The following DOK6 variants were observed in gnomAD, a reference collection of about 807,000 sequenced individuals.
DOK6 encodes docking protein 6.
In DOK6, 22 loss-of-function variants were observed where a neutral mutation model predicts 44.0. That is an observed-to-expected ratio of 0.50 (90% CI 0.36 to 0.71). DOK6 has a LOEUF of 0.71. DOK6 is among the 30% of genes least tolerant of loss of function. The pLI is 0.00. For synonymous variants in DOK6, 166 were observed against 145.5 expected, an observed-to-expected ratio of 1.14 and a Z score of -1.01; for missense variants, 340 against 416.4, an observed-to-expected ratio of 0.82 and a Z score of 1.60.
At chr18:69,472,400 G>A (rs1285908533) in intron 1 of DOK6, among the ~76,000 whole-genome samples, 1 of 152,116 alleles carries the variant, frequency 6.6e-6, no homozygotes, top group Non-Finnish European at 1.5e-5. Context: ...AGAAAAGGTG[G>A]CACATCATAT....
chr18:69,422,259 A>G (rs1978514750), intron 1 of DOK6, among the ~76,000 whole-genome samples: 1 of 152,182 alleles, frequency 6.6e-6, no homozygotes, highest in Non-Finnish European at 1.5e-5. Context: ...CCTCTTTCCC[A>G]AAGAATTCCT....
chr18:69,548,320 T>C (rs1314126497), intron 1 of DOK6, among the ~76,000 whole-genome samples: 4 of 151,564 alleles, frequency 2.6e-5, no homozygotes, highest in South Asian at 2.1e-4. Context: ...CATCTTGCTA[T>C]TGTGAACAGG....
intron 1 of DOK6, among the ~76,000 whole-genome samples, chr18:69,433,995 T>A (rs960506265): frequency 1.3e-5 from 2 of 152,326 alleles, no homozygotes; most frequent in East Asian, 1.9e-4. Context: ...AATTTCCTGA[T>A]CACACATGAT....
chr18:69,457,903 G>A (rs1246597682), intron 1 of DOK6, among the ~76,000 whole-genome samples: 3 of 152,160 alleles, frequency 2.0e-5, no homozygotes, highest in African/African-American at 4.8e-5. Flanking sequence ...CAGCACTTTG[G>A]GAGGCCAGGG....
intron 1 of DOK6, among the ~76,000 whole-genome samples, chr18:69,468,866 A>C (rs1980004302): frequency 6.6e-6 from 1 of 152,220 alleles, no homozygotes; most frequent in South Asian, 2.1e-4. Context: ...TAGAGAGATA[A>C]AGCTCTGGAT....
At chr18:69,650,804 TTCCAAC>T (rs550782231) in intron 3 of DOK6, among the ~76,000 whole-genome samples, 25 of 152,346 alleles carry the variant, frequency 1.6e-4, no homozygotes, top group African/African-American at 5.0e-4. Context: ...AAAATTTGTC[TTCCAAC>T]TCCATCATTT....
At chr18:69,769,631 C>T (rs776477018) in intron 7 of DOK6, among the ~76,000 whole-genome samples, 7 of 152,152 alleles carry the variant, frequency 4.6e-5, no homozygotes, top group Non-Finnish European at 1.0e-4. Context: ...AATTATAGAG[C>T]ATAATCAGTT....
At chr18:69,507,301 A>G (rs1213071501) in intron 1 of DOK6, among the ~76,000 whole-genome samples, 2 of 152,158 alleles carry the variant, frequency 1.3e-5, no homozygotes, top group Non-Finnish European at 1.5e-5. Flanking sequence ...TGCTGGGATT[A>G]CAGGCGTGAG....
Position 69,671,351 on chromosome 18 carries a change from GA to G in DOK6, c.290-6379del, listed in dbSNP as rs34165236. ...TGTATCAACCTGCTGTTAAATCAAGGAAAACAAGTCATGATTATCTGCATCA... is the reference window on the plus strand; with the variant it reads ...TGTATCAACCTGCTGTTAAATCAAGGAAACAAGTCATGATTATCTGCATCA... On this transcript the variant is annotated intron_variant, in intron 3 of 7. Transcript: ENST00000382713. Among the ~76,000 whole-genome samples, 1,199 of 152,290 alleles carry G rather than the reference GA, an allele frequency of 7.9e-3. 6 individuals carry two copies. The highest frequency in any genetic ancestry group is 0.012 in the Non-Finnish European group (845 of 68,012).
At chr18:69,481,700 T>C (rs568896841) in intron 1 of DOK6, among the ~76,000 whole-genome samples, 1 of 152,280 alleles carries the variant, frequency 6.6e-6, no homozygotes, top group African/African-American at 2.4e-5. Context: ...CATGTGTCTT[T>C]ATAGCAGCGT....
Position 69,589,265 on chromosome 18 carries a change from TA to T in DOK6, c.175-10118del, listed in dbSNP as rs566314621. On this transcript the variant is annotated intron_variant, in intron 2 of 7. Coordinates refer to ENST00000382713, the MANE Select transcript of DOK6 (RefSeq NM_152721.6). Reference sequence around the variant, plus strand: ...CAGTAAAATTTTCATTTTCTTTTCTTAGTAGAAAATAAATATTTTCCATCCT... The same window carrying T: ...CAGTAAAATTTTCATTTTCTTTTCTTGTAGAAAATAAATATTTTCCATCCT... 3.8e-3 allele frequency among the ~76,000 whole-genome samples: 585 copies of T among 152,234 alleles called. 3 individuals carry two copies. Among genetic ancestry groups the T allele is most frequent in the African/African-American group, 0.013 (547 of 41,564 alleles).
chr18:69,576,981 A>T (rs1312345817), intron 2 of DOK6, among the ~76,000 whole-genome samples: 1 of 152,198 alleles, frequency 6.6e-6, no homozygotes, highest in Non-Finnish European at 1.5e-5. Context: ...GTGAAGTTCC[A>T]TGAAAACTGC....
At chr18:69,835,304 A>G (rs1280747391) in intron 7 of DOK6, among the ~76,000 whole-genome samples, 1 of 152,162 alleles carries the variant, frequency 6.6e-6, no homozygotes, top group Admixed American at 6.5e-5. Flanking sequence ...CTATTTAAAA[A>G]TACAAAAAAA....
intron 3 of DOK6, chr18:69,662,147 T>G (rs905159198): frequency 1.3e-5 from 2 of 152,160 alleles, no homozygotes; most frequent in Non-Finnish European, 2.9e-5. Flanking sequence ...GCCCAGATAA[T>G]TTTTGTATTT....
chr18:69,610,702 T>TA (rs1430102374), intron 3 of DOK6, among the ~76,000 whole-genome samples: 3 of 152,046 alleles, frequency 2.0e-5, no homozygotes, highest in African/African-American at 2.4e-5. Context: ...AATACACCAA[T>TA]AAAAAACAAT....
rs568984388 is a variant in DOK6, at chr18:69,790,992, T to C, written c.856+33119T>C. Reference sequence around the variant, plus strand: ...TCTATCTCCATGAGGTCAATTATTTTAATTTTTAGCTCCCACAACTAAGTA... The same window carrying C: ...TCTATCTCCATGAGGTCAATTATTTCAATTTTTAGCTCCCACAACTAAGTA... On this transcript the variant is annotated intron_variant, in intron 7 of 7. Coordinates refer to ENST00000382713, the MANE Select transcript of DOK6 (RefSeq NM_152721.6). Among the ~76,000 whole-genome samples, 31 of 151,620 alleles carry C rather than the reference T, an allele frequency of 2.0e-4. No homozygotes were observed. In the South Asian group the frequency reaches 6.5e-3, roughly 32 times the overall value.
chr18:69,459,107 C>G (rs557269030), intron 1 of DOK6, among the ~76,000 whole-genome samples: 11 of 139,920 alleles, frequency 7.9e-5, no homozygotes, highest in East Asian at 6.6e-4. Context: ...CAACCCCCCC[C>G]CCAAAAAAAA....
chr18:69,774,515 T>G (rs1001771160), intron 7 of DOK6, among the ~76,000 whole-genome samples: 2 of 151,912 alleles, frequency 1.3e-5, no homozygotes, highest in Non-Finnish European at 2.9e-5. Flanking sequence ...TAAAATTTTT[T>G]TAAAACATGT....
chr18:69,401,561 C>A (rs117832633), intron 1 of DOK6, among the ~76,000 whole-genome samples: 1 of 152,076 alleles, frequency 6.6e-6, no homozygotes, highest in Non-Finnish European at 1.5e-5. Flanking sequence ...TTCGACCGTG[C>A]GGGGAAGTCA....
Sources: gnomAD v4.1 joint callset for allele counts (sites outside exome capture counted in the v4.1 genomes callset) on GRCh38, gnomAD v4.1.1 for gene constraint, MANE v1.5 for transcripts, NCBI Gene and HGNC (gene_info 2026-07-23, HGNC 2026-07-21) for gene names.